The following C14orf39 variants were observed in gnomAD, a reference collection of about 807,000 sequenced individuals.
C14orf39 encodes the protein protein SIX6OS1.
A neutral mutation model predicts 85.6 loss-of-function variants in C14orf39; 66 were observed. The observed-to-expected ratio is 0.77, with a 90% CI of 0.63 to 0.95. The LOEUF is 0.95. Among genes scored for constraint, C14orf39 ranks in the 40% least tolerant of loss-of-function variants. The probability of loss-of-function intolerance (pLI) is 0.00; values close to 1 mark genes in which losing one functional copy is unlikely to be tolerated. For synonymous variants in C14orf39, 242 were observed against 214.0 expected, an observed-to-expected ratio of 1.13 and a Z score of -1.14; for missense variants, 735 against 663.9, an observed-to-expected ratio of 1.11 and a Z score of -1.18.
chr14:60,508,897 G>A (rs1195073328), intron 1 of C14orf39: 2 of 174,792 alleles, frequency 1.1e-5, no homozygotes, highest in Non-Finnish European at 2.4e-5. Context: ...GTAGAGCGGG[G>A]TGGGGGAGGG....
intron 16 of C14orf39, among the ~76,000 whole-genome samples, chr14:60,448,690 C>T (rs929433887): frequency 1.3e-5 from 2 of 152,100 alleles, no homozygotes; most frequent in African/African-American, 2.4e-5. Context: ...GGTATATACC[C>T]AAAGGATTAT....
intron 2 of C14orf39, chr14:60,495,491 C>G (rs1398057471): frequency 5.4e-6 from 1 of 186,268 alleles, no homozygotes; most frequent in East Asian, 1.3e-4. Flanking sequence ...ATCCCTGTTA[C>G]AAAGACAAGT....
At chr14:60,511,074 T>A (rs916365037) in intron 1 of C14orf39, 4 of 1,612,100 alleles carry the variant, frequency 2.5e-6, no homozygotes, top group Non-Finnish European at 3.4e-6. Flanking sequence ...GTTCCCTTTC[T>A]TCCCCGTAGA....
chr14:60,489,506 ACTT>A (rs1484022163), upstream of C14orf39, among the ~76,000 whole-genome samples: 1 of 152,186 alleles, frequency 6.6e-6, no homozygotes, highest in Non-Finnish European at 1.5e-5. Flanking sequence ...TTGGAATGAA[ACTT>A]CTTCAAATTC....
At chr14:60,502,694 C>T (rs1047923020) in intron 1 of C14orf39, among the ~76,000 whole-genome samples, 1 of 152,156 alleles carries the variant, frequency 6.6e-6, no homozygotes, top group Non-Finnish European at 1.5e-5. Flanking sequence ...TTTTCTAAAT[C>T]TACTCCCACT....
chr14:60,481,278 CAT>C (rs1229825920), intron 4 of C14orf39, among the ~76,000 whole-genome samples: 1 of 152,076 alleles, frequency 6.6e-6, no homozygotes, highest in Non-Finnish European at 1.5e-5. Flanking sequence ...AAAAGACTGA[CAT>C]AAACATTTGG....
At chr14:60,471,395 G>C in intron 7 of C14orf39, 22 bp downstream of exon 7, 2 of 1,524,106 alleles carry the variant, frequency 1.3e-6, no homozygotes, top group Non-Finnish European at 1.8e-6. Context: ...AAAATTATAA[G>C]TACAAATACT....
At chr14:60,462,845 T>C (rs1010134998) in intron 11 of C14orf39, among the ~76,000 whole-genome samples, 3 of 152,116 alleles carry the variant, frequency 2.0e-5, no homozygotes, top group Admixed American at 1.3e-4. Context: ...ATTTTATGTG[T>C]GGCCCAATAC....
At chr14:60,504,374 A>C (rs1416917928) in intron 1 of C14orf39, among the ~76,000 whole-genome samples, 2 of 152,250 alleles carry the variant, frequency 1.3e-5, no homozygotes, top group African/African-American at 4.8e-5. Context: ...CATACAGTTT[A>C]ATGTGAATAA....
At chr14:60,509,384 G>A in intron 1 of C14orf39, 1 of 1,598,616 alleles carries the variant, frequency 6.3e-7, no homozygotes, top group Middle Eastern at 1.7e-4. Flanking sequence ...CCTCGCCGCC[G>A]CCGGCACTGC....
intron 4 of C14orf39, among the ~76,000 whole-genome samples, chr14:60,482,847 T>C (rs1892700201): frequency 6.6e-6 from 1 of 150,980 alleles, no homozygotes; most frequent in Admixed American, 6.6e-5. Context: ...GTGAGTCCAT[T>C]TTTGTAAAAA....
At chr14:60,511,358 GC>G in intron 1 of C14orf39, 2 of 1,357,636 alleles carry the variant, frequency 1.5e-6, no homozygotes, top group Non-Finnish European at 2.1e-6. Flanking sequence ...CGCCACAGAA[GC>G]CAGGTGACCA....
chr14:60,493,408 G>A (rs560756322), intron 2 of C14orf39, among the ~76,000 whole-genome samples: 2 of 152,232 alleles, frequency 1.3e-5, no homozygotes, highest in Admixed American at 1.3e-4. Context: ...TAAGTATACA[G>A]TACCCTTTCC....
At chr14:60,481,969 G>C (rs543595038) in intron 4 of C14orf39, among the ~76,000 whole-genome samples, 3 of 152,056 alleles carry the variant, frequency 2.0e-5, no homozygotes, top group Non-Finnish European at 4.4e-5. Context: ...TGTGGTTTCT[G>C]ATTTTGGTGA....
intron 2 of C14orf39, chr14:60,495,208 C>A (rs1893051617): frequency 1.0e-5 from 2 of 198,922 alleles, no homozygotes; most frequent in Middle Eastern, 5.3e-4. Context: ...GATTCAGTGG[C>A]AAATGCGACA....
chr14:60,468,697 C>A (rs1427798128), intron 8 of C14orf39, among the ~76,000 whole-genome samples, 161 bp from the exon 9 acceptor site: 1 of 151,562 alleles, frequency 6.6e-6, no homozygotes, highest in African/African-American at 2.4e-5. Context: ...ACAAAATTAA[C>A]AATAAATCAC....
chr14:60,444,845 C>T (rs920084172), intron 16 of C14orf39, among the ~76,000 whole-genome samples: 1 of 152,148 alleles, frequency 6.6e-6, no homozygotes, highest in African/African-American at 2.4e-5. Flanking sequence ...GACCCACAAT[C>T]CCATCAGACT....
intron 1 of C14orf39, chr14:60,510,949 T>G: frequency 1.1e-6 from 1 of 896,648 alleles, no homozygotes; most frequent in Non-Finnish European, 1.7e-6. Context: ...CCTTGCCGAG[T>G]AATCCTCGCC....
At chr14:60,481,552 A>T (rs146066236) in intron 4 of C14orf39, among the ~76,000 whole-genome samples, 1,950 of 152,306 alleles carry the variant, frequency 0.013, 18 homozygotes, top group South Asian at 0.027. Context: ...CATGTCATCT[A>T]AAAGATTTAT....
Sources: allele counts gnomAD v4.1 joint callset (sites outside exome capture counted in the v4.1 genomes callset), GRCh38; gene constraint gnomAD v4.1.1; transcripts MANE v1.5; gene names NCBI Gene and HGNC (gene_info 2026-07-23, HGNC 2026-07-21).